ZCCHC7: variants seen among roughly 807,000 people sequenced by gnomAD.
The protein encoded by ZCCHC7 is zinc finger CCHC-type containing 7.
In ZCCHC7, 35 loss-of-function variants were observed where a neutral mutation model predicts 52.0. The ratio of observed to expected loss-of-function variants is 0.67; its 90% CI spans 0.51 to 0.89. ZCCHC7 has a LOEUF of 0.89. ZCCHC7 is among the 40% of genes least tolerant of loss of function. The probability of loss-of-function intolerance (pLI) is 0.00; values close to 1 mark genes in which losing one functional copy is unlikely to be tolerated. For missense variants in ZCCHC7, 574 were observed against 649.1 expected, an observed-to-expected ratio of 0.88 and a Z score of 1.26; for synonymous variants, 217 against 221.5, an observed-to-expected ratio of 0.98 and a Z score of 0.18.
intron 5 of ZCCHC7, among the ~76,000 whole-genome samples, chr9:37,319,577 G>T (rs1588665363): frequency 6.6e-6 from 1 of 151,984 alleles, no homozygotes; most frequent in African/African-American, 2.4e-5. Context: ...ACAGGCACGT[G>T]GCACCATGCT....
intron 2 of ZCCHC7, among the ~76,000 whole-genome samples, chr9:37,199,584 C>T (rs1224805163): frequency 1.3e-5 from 2 of 151,720 alleles, no homozygotes; most frequent in Non-Finnish European, 2.9e-5. Context: ...CCACCTGCCT[C>T]GGCCTCCCAA....
At chr9:37,142,022 AAAATATC>A (rs1843250034) in intron 2 of ZCCHC7, among the ~76,000 whole-genome samples, 1 of 151,854 alleles carries the variant, frequency 6.6e-6, no homozygotes, top group African/African-American at 2.4e-5. Context: ...CACAGGCTTT[AAAATATC>A]AAATTATTGT....
chr9:37,240,256 C>T (rs1014690975), intron 2 of ZCCHC7, among the ~76,000 whole-genome samples: 2 of 152,014 alleles, frequency 1.3e-5, no homozygotes, highest in South Asian at 4.1e-4. Context: ...CTGTTTTTCT[C>T]ATAGTAAAAT....
chr9:37,160,984 C>G (rs1030462212), intron 2 of ZCCHC7, among the ~76,000 whole-genome samples: 6 of 150,306 alleles, frequency 4.0e-5, no homozygotes, highest in African/African-American at 1.2e-4. Flanking sequence ...AGTCTTGGCT[C>G]TGTTGCCCAG....
At chr9:37,155,450 G>T (rs760492377) in intron 2 of ZCCHC7, among the ~76,000 whole-genome samples, 1 of 151,880 alleles carries the variant, frequency 6.6e-6, no homozygotes, top group Non-Finnish European at 1.5e-5. Flanking sequence ...TAGTAGTTGT[G>T]CTTTTAATAT....
At chr9:37,341,281 A>T (rs1820621901) in intron 6 of ZCCHC7, among the ~76,000 whole-genome samples, 1 of 152,186 alleles carries the variant, frequency 6.6e-6, no homozygotes, top group Non-Finnish European at 1.5e-5. Context: ...GCATGATTTG[A>T]TAGGTTTTCC....
intron 2 of ZCCHC7, among the ~76,000 whole-genome samples, chr9:37,223,928 TA>T (rs1284699878): frequency 6.6e-6 from 1 of 152,100 alleles, no homozygotes; most frequent in Non-Finnish European, 1.5e-5. Flanking sequence ...AATTTATGCC[TA>T]AAAAAGACAA....
chr9:37,263,326 C>A (rs576249053), intron 2 of ZCCHC7, among the ~76,000 whole-genome samples: 29 of 151,962 alleles, frequency 1.9e-4, no homozygotes, highest in Non-Finnish European at 2.9e-4. Context: ...TTTGTATATA[C>A]TCTTACATTT....
intron 2 of ZCCHC7, among the ~76,000 whole-genome samples, chr9:37,133,563 A>AT (rs989906362): frequency 1.3e-5 from 2 of 151,294 alleles, no homozygotes; most frequent in Non-Finnish European, 2.9e-5. Context: ...TTTATTTTTT[A>AT]TTTTTTTAAA....
intron 2 of ZCCHC7, among the ~76,000 whole-genome samples, chr9:37,244,291 C>T (rs1825994116): frequency 6.6e-6 from 1 of 151,118 alleles, no homozygotes; most frequent in Admixed American, 6.6e-5. Flanking sequence ...CTGCCCCAGC[C>T]CTTGTTTTTT....
intron 1 of ZCCHC7, 113 bp from the exon 2 acceptor site, chr9:37,126,199 G>A: frequency 9.4e-7 from 1 of 1,065,602 alleles, no homozygotes; most frequent in East Asian, 2.4e-5. Flanking sequence ...ATATGTCTGA[G>A]AATAGTGATG....
At position 37,120,618 on chromosome 9, in the gene ZCCHC7, G is replaced by A; in HGVS notation, c.-27G>A. Reference sequence around the variant, plus strand: ...CGGTTGGTGCTTCCTGTTCGCAGCTGCGGCAGTGAGTATGTGTGTGACGGA... The same window carrying A: ...CGGTTGGTGCTTCCTGTTCGCAGCTACGGCAGTGAGTATGTGTGTGACGGA... On this transcript the variant is annotated 5_prime_UTR_variant, in exon 1 of 9. Transcript: ENST00000336755. 2.5e-6 allele frequency: 1 copy of A among 398,170 alleles called. No homozygotes were observed. Among genetic ancestry groups the A allele is most frequent in the Middle Eastern group, 6.3e-4 (1 of 1,586 alleles). 24.7% of individuals were successfully genotyped at this position (398,170 alleles called of 1,614,324 possible).
rs554920294 is a variant in ZCCHC7 at position 37,178,610 on chromosome 9, C to T, written c.610+51668C>T. 1.2e-4 allele frequency among the ~76,000 whole-genome samples: 18 copies of T among 152,122 alleles called. No individual in the cohort carries two copies. The South Asian group carries it at 1.2e-3, about 11-fold the overall frequency. On this transcript the variant is annotated intron_variant, in intron 2 of 8. Coordinates refer to ENST00000336755, the MANE Select transcript of ZCCHC7 (RefSeq NM_032226.3). ...TAGTTATGATATAAAAGATTTAACGCGGTGTTGGTACATGTTGTTGGAATA... is the reference window on the plus strand; with the variant it reads ...TAGTTATGATATAAAAGATTTAACGTGGTGTTGGTACATGTTGTTGGAATA...
At chr9:37,217,264 TGA>T (rs552394710) in intron 2 of ZCCHC7, among the ~76,000 whole-genome samples, 106 of 152,342 alleles carry the variant, frequency 7.0e-4, no homozygotes, top group South Asian at 1.4e-3. Flanking sequence ...TTCATGCATA[TGA>T]GAGAAATTTC....
At chr9:37,269,069 A>G (rs2133488342) in intron 2 of ZCCHC7, among the ~76,000 whole-genome samples, 1 of 152,318 alleles carries the variant, frequency 6.6e-6, no homozygotes, top group Middle Eastern at 3.4e-3. Context: ...AGGAAATAAC[A>G]TGTGCACCCT....
At chr9:37,313,616 A>T (rs1302828445) in intron 5 of ZCCHC7, among the ~76,000 whole-genome samples, 1 of 152,084 alleles carries the variant, frequency 6.6e-6, no homozygotes, top group African/African-American at 2.4e-5. Flanking sequence ...TGAGGGAGGG[A>T]CCTGGTAGGA....
At chr9:37,152,321 T>G (rs1239901499) in intron 2 of ZCCHC7, among the ~76,000 whole-genome samples, 2 of 152,132 alleles carry the variant, frequency 1.3e-5, no homozygotes, top group African/African-American at 4.8e-5. Context: ...TGCCCTGTAT[T>G]CAGTTTTTCC....
chr9:37,272,950 G>A (rs925041752), intron 2 of ZCCHC7, among the ~76,000 whole-genome samples: 1 of 152,118 alleles, frequency 6.6e-6, no homozygotes, highest in Non-Finnish European at 1.5e-5. Context: ...GTTTTTTGCA[G>A]TTATAAACAA....
chr9:37,200,386 T>TC (rs1311537046), intron 2 of ZCCHC7, among the ~76,000 whole-genome samples: 2 of 152,242 alleles, frequency 1.3e-5, no homozygotes, highest in African/African-American at 2.4e-5. Flanking sequence ...CACCAAGTTT[T>TC]CCCCTTCATT....
Sources: allele counts gnomAD v4.1 joint callset (sites outside exome capture counted in the v4.1 genomes callset), GRCh38; gene constraint gnomAD v4.1.1; transcripts MANE v1.5; gene names NCBI Gene and HGNC (gene_info 2026-07-23, HGNC 2026-07-21).